Variants in DIPK2B observed in about 807,000 individuals in gnomAD.
DIPK2B encodes the protein divergent protein kinase domain 2B.
Under a neutral mutation model 22.2 loss-of-function variants are expected in DIPK2B, and 15 were observed. The ratio of observed to expected loss-of-function variants is 0.68; its 90% CI spans 0.45 to 1.04. The LOEUF is 1.04. DIPK2B is among the 50% of genes least tolerant of loss of function. The pLI is 0.00. For synonymous variants in DIPK2B, 163 were observed against 153.2 expected (o/e 1.06, Z -0.47); for missense variants, 345 against 348.3 (o/e 0.99, Z 0.08).
chrX:45,191,221 G>C (rs917323471), intron 2 of DIPK2B, among the ~76,000 whole-genome samples: 4 of 112,851 alleles, frequency 3.5e-5, no homozygotes, highest in African/African-American at 1.3e-4. Flanking sequence ...GAGGCTGTCA[G>C]GTGGGAAGAG....
rs764407058 is a variant in DIPK2B at position 45,191,950 on chromosome X, T to A, written c.299A>T (p.Asn100Ile). 1.7e-6 allele frequency: 2 copies of A among 1,210,250 alleles called. No individual in the cohort carries two copies. Among genetic ancestry groups the A allele is most frequent in the East Asian group, 5.9e-5 (2 of 33,764 alleles). Residue 100 changes from asparagine (N) to isoleucine (I), a missense_variant, in exon 2 of 5, where the codon AAT (asparagine) becomes ATT (isoleucine). Transcript: ENST00000398000. ...CCAGATTTTGGAATCATCTGAGTAATTTGCAGGATAAGAAAGCAAGGAATC... is the reference window on the plus strand; with the variant it reads ...CCAGATTTTGGAATCATCTGAGTAAATTGCAGGATAAGAAAGCAAGGAATC... ...PPDSLLSYPA[N>I]YSDDSKIWRP...
rs779022733 is a variant in DIPK2B at position 45,200,613 on chromosome X, ACTT to A, written c.211_213del (p.Lys71del). The stretch of plus-strand genomic sequence containing the variant: ...TCTGACCTTATTTCTTCTTTAAAGA[ACTT>A]CTTGCAAATAGATGTCCCGATGCAG... On this transcript the variant is annotated inframe_deletion, in exon 1 of 5. Coordinates refer to ENST00000398000, the MANE Select transcript of DIPK2B (RefSeq NM_176819.4). 12 of 1,211,148 alleles carry A rather than the reference ACTT, an allele frequency of 9.9e-6. No homozygotes were observed. The highest frequency in any genetic ancestry group is 1.3e-5 in the Non-Finnish European group (12 of 894,693).
intron 2 of DIPK2B, among the ~76,000 whole-genome samples, chrX:45,168,593 G>A (rs1776838384): frequency 8.9e-6 from 1 of 112,375 alleles, no homozygotes; most frequent in African/African-American, 3.2e-5. Flanking sequence ...GTTGAGCCCT[G>A]ATGGAATGTT....
chrX:45,193,688 A>G (rs1485053255), intron 1 of DIPK2B, among the ~76,000 whole-genome samples: 2 of 112,620 alleles, frequency 1.8e-5, no homozygotes, highest in African/African-American at 3.2e-5. Flanking sequence ...ATTGCAATGG[A>G]AGTAGGCACA....
At chrX:45,187,999 C>A (rs984880624) in intron 2 of DIPK2B, among the ~76,000 whole-genome samples, 2 of 111,315 alleles carry the variant, frequency 1.8e-5, no homozygotes, top group African/African-American at 6.5e-5. Flanking sequence ...AGAGAGAATC[C>A]CAGGATACTG....
intron 2 of DIPK2B, among the ~76,000 whole-genome samples, chrX:45,184,733 C>T (rs2047172362): frequency 1.8e-5 from 2 of 111,901 alleles, no homozygotes; most frequent in Admixed American, 9.5e-5. Flanking sequence ...ACATTAATGA[C>T]CGAACTTGTG....
intron 2 of DIPK2B, among the ~76,000 whole-genome samples, chrX:45,182,827 C>T (rs1216249115): frequency 8.9e-6 from 1 of 112,556 alleles, no homozygotes; most frequent in African/African-American, 3.2e-5. Flanking sequence ...TGAGTTAAGT[C>T]AGAATAGCAG....
intron 2 of DIPK2B, among the ~76,000 whole-genome samples, chrX:45,166,735 A>C (rs1411485156): frequency 8.9e-6 from 1 of 112,299 alleles, no homozygotes; most frequent in Non-Finnish European, 1.9e-5. Flanking sequence ...CAAGTGTGTG[A>C]AAAAAAGAAC....
At chrX:45,183,034 C>T (rs1035822345) in intron 2 of DIPK2B, among the ~76,000 whole-genome samples, 6 of 111,570 alleles carry the variant, frequency 5.4e-5, no homozygotes, top group African/African-American at 1.3e-4. Flanking sequence ...ATGGTGGCCA[C>T]GAGTAAATAC....
chrX:45,156,128 G>A (rs1266272370), intron 3 of DIPK2B, among the ~76,000 whole-genome samples: 2 of 107,649 alleles, frequency 1.9e-5, no homozygotes, highest in African/African-American at 3.5e-5. Context: ...CACTGTGCCT[G>A]GCTATTTTTT....
intron 2 of DIPK2B, among the ~76,000 whole-genome samples, chrX:45,164,601 C>T (rs1447900513): frequency 1.8e-5 from 2 of 111,097 alleles, no homozygotes; most frequent in Non-Finnish European, 3.8e-5. Flanking sequence ...ACACATGGGC[C>T]AGGGGCCTGT....
At chrX:45,157,971 G>T in intron 2 of DIPK2B, 83 bp from the exon 3 acceptor site, 1 of 304,802 alleles carries the variant, frequency 3.3e-6, no homozygotes, top group Non-Finnish European at 4.2e-6. Context: ...GGGGGAATGG[G>T]CAGATCCTGC....
chrX:45,152,086 G>C (rs996421437), intron 4 of DIPK2B, 94 bp from the exon 5 acceptor site: 5 of 850,989 alleles, frequency 5.9e-6, no homozygotes, highest in Non-Finnish European at 6.6e-6. Context: ...GGCCGGGCGC[G>C]GTGGCTCATG....
chrX:45,157,642 G>A, intron 3 of DIPK2B, 73 bp downstream of exon 3: 4 of 1,034,889 alleles, frequency 3.9e-6, no homozygotes, highest in Non-Finnish European at 5.2e-6. Context: ...GAGGGAGAGA[G>A]CTCAATCCAG....
chrX:45,189,998 G>T (rs1379511769), intron 2 of DIPK2B, among the ~76,000 whole-genome samples: 1 of 112,075 alleles, frequency 8.9e-6, no homozygotes, highest in Non-Finnish European at 1.9e-5. Flanking sequence ...AAGAAGAAAA[G>T]CTTGTTTAGC....
intron 3 of DIPK2B, among the ~76,000 whole-genome samples, chrX:45,156,503 G>T (rs927778350): frequency 8.9e-6 from 1 of 111,913 alleles, no homozygotes; most frequent in African/African-American, 3.2e-5. Context: ...AGGACAACCC[G>T]CAATTCCTTT....
chrX:45,185,034 G>A, intron 2 of DIPK2B, among the ~76,000 whole-genome samples: 1 of 111,499 alleles, frequency 9.0e-6, no homozygotes, highest in East Asian at 2.8e-4. Flanking sequence ...GGGTTTTGTG[G>A]CTTAATACAC....
chrX:45,184,639 T>G (rs2047171792), intron 2 of DIPK2B, among the ~76,000 whole-genome samples: 1 of 112,122 alleles, frequency 8.9e-6, no homozygotes, highest in African/African-American at 3.2e-5. Context: ...CTAACACAAT[T>G]GTAAAAATTA....
chrX:45,161,406 G>A (rs183914155), intron 2 of DIPK2B, among the ~76,000 whole-genome samples: 36 of 112,205 alleles, frequency 3.2e-4, no homozygotes, highest in African/African-American at 9.7e-4. Context: ...GCCAGACATG[G>A]CAGTGCATGC....
Sources: allele counts gnomAD v4.1 joint callset (sites outside exome capture counted in the v4.1 genomes callset), GRCh38; gene constraint gnomAD v4.1.1; transcripts MANE v1.5; gene names NCBI Gene and HGNC (gene_info 2026-07-23, HGNC 2026-07-21).